KIF20B: variants seen among roughly 807,000 people sequenced by gnomAD.
KIF20B encodes kinesin family member 20B.
KIF20B carries 188 observed loss-of-function variants against 232.5 expected under a neutral mutation model. The observed-to-expected ratio is 0.81, with a 90% CI of 0.72 to 0.91. The LOEUF (loss-of-function observed/expected upper bound fraction) is 0.91. Ranked by LOEUF, KIF20B falls within the 40% of genes least tolerant of loss-of-function variation. The pLI, the probability that KIF20B is intolerant of heterozygous loss-of-function variation, is 0.00. For missense variants in KIF20B, 2,154 were observed against 2,055.9 expected, an observed-to-expected ratio of 1.05 and a Z score of -0.92; for synonymous variants, 712 against 683.0, an observed-to-expected ratio of 1.04 and a Z score of -0.66.
chr10:89,734,036 T>C (rs1206024954), intron 19 of KIF20B, among the ~76,000 whole-genome samples: 2 of 152,004 alleles, frequency 1.3e-5, no homozygotes, highest in African/African-American at 2.4e-5. Context: ...TCCCATATTA[T>C]ATAGTGATTC....
rs182944047 is a variant in KIF20B, at chr10:89,714,993, G to T, written c.751G>T (p.Glu251Ter). Residue 251 changes from glutamate to a stop codon, truncating the protein, a stop_gained, in exon 8 of 33, where the codon GAA (glutamate) becomes TAA (stop). Transcript: ENST00000371728. LOFTEE classifies it high-confidence loss of function. ...CTCTTTGAATATCTCAGAGTTTGAA[G>T]AATCCATAAAAGATTATGAACAAGC... ...TNSLNISEFE[E>*]SIKDYEQANL... The T allele has an allele frequency of 1.3e-6, 2 of 1,588,602 alleles. No homozygotes were observed. The highest frequency in any genetic ancestry group is 1.2e-5 in the South Asian group (1 of 85,232).
At chr10:89,720,709 T>C (rs1843037749) in intron 13 of KIF20B, among the ~76,000 whole-genome samples, 1 of 152,156 alleles carries the variant, frequency 6.6e-6, no homozygotes. Flanking sequence ...TTTATTTATT[T>C]ATTTATTTAT....
At chr10:89,773,637 A>G (rs1842511944) in intron 32 of KIF20B, among the ~76,000 whole-genome samples, 1 of 151,972 alleles carries the variant, frequency 6.6e-6, no homozygotes, top group Non-Finnish European at 1.5e-5. Context: ...TCTAAGTTAT[A>G]CATTTGTTGC....
intron 13 of KIF20B, 137 bp downstream of exon 13, chr10:89,719,843 T>C: frequency 1.5e-6 from 1 of 664,944 alleles, no homozygotes; most frequent in East Asian, 2.8e-5. Flanking sequence ...TTGAAAAATT[T>C]CAAACCTATA....
At chr10:89,766,185 G>A (rs547565126) in intron 29 of KIF20B, 2 of 152,072 alleles carry the variant, frequency 1.3e-5, no homozygotes, top group African/African-American at 2.4e-5. Flanking sequence ...ATATTTCTCA[G>A]AGGCTTTGTT....
At chr10:89,739,824 T>A (rs983179640) in intron 21 of KIF20B, among the ~76,000 whole-genome samples, 15 of 152,222 alleles carry the variant, frequency 9.9e-5, no homozygotes, top group Non-Finnish European at 1.8e-4. Flanking sequence ...CCATATTTTT[T>A]AATCTCTAAA....
intron 21 of KIF20B, among the ~76,000 whole-genome samples, chr10:89,739,924 A>G (rs1018617469): frequency 1.3e-5 from 2 of 152,108 alleles, no homozygotes; most frequent in Admixed American, 6.6e-5. Context: ...ACCTCTGTAT[A>G]GTATTCTGTT....
intron 23 of KIF20B, among the ~76,000 whole-genome samples, chr10:89,746,311 C>T (rs1201351528): frequency 6.6e-6 from 1 of 152,192 alleles, no homozygotes; most frequent in Non-Finnish European, 1.5e-5. Context: ...AAAATCGGAT[C>T]ACACATGGGC....
chr10:89,754,422 A>G (rs1008904129), intron 25 of KIF20B, 96 bp from the exon 26 acceptor site: 1 of 646,794 alleles, frequency 1.5e-6, no homozygotes, highest in African/African-American at 1.9e-5. Flanking sequence ...GTTTTTATAG[A>G]GGTGAAAAGT....
Position 89,738,553 on chromosome 10 carries a change from G to C in KIF20B, c.3712G>C (p.Asp1238His), listed in dbSNP as rs751880293. ...EITQLTNNLQ[D>H]MKHLLQLKEE... ...CACACAGTTAACAAATAATTTGCAAGATATGAAACATTTACTTCAATTAAA... is the reference window on the plus strand; with the variant it reads ...CACACAGTTAACAAATAATTTGCAACATATGAAACATTTACTTCAATTAAA... The change falls in exon 20 of 33, where the codon GAT becomes CAT. Residue 1238 changes from aspartate to histidine, a missense_variant. Physicochemically the swap from Asp to His is moderately conservative, Grantham distance 81. Coordinates refer to ENST00000371728, the MANE Select transcript of KIF20B (RefSeq NM_001284259.2). 6.3e-7 allele frequency: 1 copy of C among 1,584,332 alleles called. No homozygotes were observed. Among genetic ancestry groups the C allele is most frequent in the East Asian group, 2.3e-5 (1 of 44,410 alleles).
intron 25 of KIF20B, among the ~76,000 whole-genome samples, chr10:89,754,038 T>C (rs1842073936): frequency 6.6e-6 from 1 of 151,872 alleles, no homozygotes; most frequent in East Asian, 1.9e-4. Flanking sequence ...TGAAAATTAC[T>C]GATCAGCAGT....
intron 31 of KIF20B, 40 bp from the exon 32 acceptor site, chr10:89,772,648 GA>G: frequency 7.5e-7 from 1 of 1,329,336 alleles, no homozygotes; most frequent in African/African-American, 1.5e-5. Context: ...TTTGCAATTA[GA>G]AAATTATTTC....
At chr10:89,744,692 G>T (rs1489478881) in intron 22 of KIF20B, among the ~76,000 whole-genome samples, 1 of 151,936 alleles carries the variant, frequency 6.6e-6, no homozygotes, top group Non-Finnish European at 1.5e-5. Context: ...CAACCAAATG[G>T]ATGAGGCAAC....
intron 23 of KIF20B, 25 bp from the exon 24 acceptor site, chr10:89,751,321 T>C: frequency 6.4e-7 from 1 of 1,571,042 alleles, no homozygotes; most frequent in Non-Finnish European, 8.6e-7. Flanking sequence ...TATTAATTTC[T>C]AAAATGTTCT....
Position 89,711,064 on chromosome 10 carries a change from C to T in KIF20B, c.594C>T (p.Ser198=). 6.2e-7 allele frequency: 1 copy of T among 1,606,478 alleles called. No homozygotes were observed. Among genetic ancestry groups the T allele is most frequent in the Non-Finnish European group, 8.5e-7 (1 of 1,175,350 alleles). The change falls in exon 6 of 33, where the codon TCC becomes TCT. Residue 198 remains serine (S), a synonymous_variant. Transcript: ENST00000371728. ...YTKMNLKPHR[S]REYLRLSSEQ... is the part of the protein sequence containing the mutation. The stretch of plus-strand genomic sequence containing the variant: ...AGATGAACCTTAAACCACATAGATC[C>T]AGAGAATACTTAAGGTTATCATCAG...
At chr10:89,773,391 A>T (rs771939848) in intron 32 of KIF20B, among the ~76,000 whole-genome samples, 5 of 152,032 alleles carry the variant, frequency 3.3e-5, no homozygotes, top group South Asian at 2.1e-4. Flanking sequence ...AAAAGAAATT[A>T]AAAAAATTAA....
Position 89,726,421 on chromosome 10 carries a change from T to C in KIF20B, c.2130T>C (p.Thr710=), listed in dbSNP as rs770141319. 6.3e-7 allele frequency: 1 copy of C among 1,599,816 alleles called. No individual in the cohort carries two copies. Among genetic ancestry groups the C allele is most frequent in the Admixed American group, 1.7e-5 (1 of 59,064 alleles). The part of the protein sequence containing the change: ...IASLPDPQEA[T]ACLELKFNQI... ...CTCTTCCTGACCCCCAGGAAGCTAC[T>C]GCTTGTTTAGAACTAAAGTTTAATC... Residue 710 remains threonine, a synonymous_variant, in exon 16 of 33, where the codon ACT becomes ACC. Coordinates refer to ENST00000371728, the MANE Select transcript of KIF20B (RefSeq NM_001284259.2).
intron 13 of KIF20B, among the ~76,000 whole-genome samples, chr10:89,721,073 A>G (rs1843046365): frequency 6.6e-6 from 1 of 152,204 alleles, no homozygotes; most frequent in Non-Finnish European, 1.5e-5. Flanking sequence ...CCAGTGTCCT[A>G]CAAACACTAG....
At chr10:89,760,685 T>A (rs377504790) in intron 28 of KIF20B, 49 bp downstream of exon 28, 5 of 1,102,232 alleles carry the variant, frequency 4.5e-6, no homozygotes, top group Non-Finnish European at 6.9e-6. Context: ...TTATCCACTA[T>A]TACTAAATAA....
Sources: allele counts gnomAD v4.1 joint callset (sites outside exome capture counted in the v4.1 genomes callset), GRCh38; gene constraint gnomAD v4.1.1; transcripts MANE v1.5; gene names NCBI Gene and HGNC (gene_info 2026-07-23, HGNC 2026-07-21).